SPATS2L: variants seen among roughly 807,000 people sequenced by gnomAD.
The protein encoded by SPATS2L is SPATS2-like protein.
SPATS2L carries 30 observed loss-of-function variants against 59.6 expected under a neutral mutation model. The ratio of observed to expected loss-of-function variants is 0.50; its 90% CI spans 0.38 to 0.68. The LOEUF is 0.68. Ranked by LOEUF, SPATS2L falls within the 30% of genes least tolerant of loss-of-function variation. SPATS2L has a pLI of 0.00. For synonymous variants in SPATS2L, 252 were observed against 263.5 expected (o/e 0.96, Z 0.42); for missense variants, 615 against 700.0 (o/e 0.88, Z 1.37).
chr2:200,308,501 A>G (rs62179507), intron 1 of SPATS2L, among the ~76,000 whole-genome samples: 2,010 of 152,300 alleles, frequency 0.013, 14 homozygotes, highest in Non-Finnish European at 0.019. Context: ...TTCTAATTAG[A>G]GTTTTGGAAT....
chr2:200,345,984 C>G (rs2080499077), intron 2 of SPATS2L, among the ~76,000 whole-genome samples: 1 of 152,174 alleles, frequency 6.6e-6, no homozygotes, highest in African/African-American at 2.4e-5. Flanking sequence ...CCCTGACAAC[C>G]TCTCAGCCTC....
intron 9 of SPATS2L, among the ~76,000 whole-genome samples, chr2:200,460,424 C>A (rs2086150875): frequency 6.6e-6 from 1 of 152,110 alleles, no homozygotes; most frequent in African/African-American, 2.4e-5. Context: ...GCAAAGTGTT[C>A]CTAAGCTTTT....
chr2:200,361,069 T>G (rs1371889953), intron 2 of SPATS2L, among the ~76,000 whole-genome samples: 2 of 98,648 alleles, frequency 2.0e-5, no homozygotes, highest in East Asian at 3.2e-4. Context: ...ACCCCACTAT[T>G]CCCCACCCCA....
At chr2:200,382,505 G>A (rs1687934791) in intron 2 of SPATS2L, among the ~76,000 whole-genome samples, 2 of 152,204 alleles carry the variant, frequency 1.3e-5, no homozygotes, top group Non-Finnish European at 2.9e-5. Flanking sequence ...GCCTGAGAAG[G>A]CAGGTCCCGT....
intron 2 of SPATS2L, among the ~76,000 whole-genome samples, chr2:200,339,401 T>G (rs898141523): frequency 1.3e-5 from 2 of 152,202 alleles, no homozygotes; most frequent in Non-Finnish European, 2.9e-5. Context: ...TTGAAAATAA[T>G]TATTCATCTA....
chr2:200,408,377 G>A (rs1574420540), intron 3 of SPATS2L, among the ~76,000 whole-genome samples: 1 of 152,136 alleles, frequency 6.6e-6, no homozygotes, highest in Non-Finnish European at 1.5e-5. Context: ...AAATGGTCAC[G>A]AATATACTCC....
intron 2 of SPATS2L, among the ~76,000 whole-genome samples, chr2:200,387,274 G>A (rs2082020824): frequency 6.6e-6 from 1 of 152,124 alleles, no homozygotes; most frequent in African/African-American, 2.4e-5. Flanking sequence ...TCTCCTATAT[G>A]CCAAGTCCAG....
At chr2:200,381,431 C>G (rs1476723379) in intron 2 of SPATS2L, among the ~76,000 whole-genome samples, 1 of 152,152 alleles carries the variant, frequency 6.6e-6, no homozygotes, top group African/African-American at 2.4e-5. Flanking sequence ...TGTGGCCTGT[C>G]AGGATGAATG....
chr2:200,357,275 C>T (rs979152069), intron 2 of SPATS2L, among the ~76,000 whole-genome samples: 3 of 152,118 alleles, frequency 2.0e-5, no homozygotes, highest in African/African-American at 4.8e-5. Context: ...CCTGAAAGTC[C>T]TTTCATTGTC....
rs374718905 is a variant in SPATS2L at position 200,315,856 on chromosome 2, C to CAAAAA, written c.-73+8950_-73+8954dup. 1.3e-4 allele frequency among the ~76,000 whole-genome samples: 12 copies of CAAAAA among 90,924 alleles called. 1 individual carries two copies. Among genetic ancestry groups the CAAAAA allele is most frequent in the Admixed American group, 3.7e-4 (3 of 8,060 alleles). 59.6% of individuals were successfully genotyped at this position (90,924 alleles called of 152,430 possible). A position where few individuals can be genotyped will look rare whatever the true frequency, so the allele number is the denominator to read the frequency against. ...GTGAAACCCCGTCTCACCAAAAATC[C>CAAAAA]AAAAAAAAAAAAAAAAAAAAGAGCC... On this transcript the variant is annotated intron_variant, in intron 1 of 12. Coordinates refer to ENST00000409140, the MANE Select transcript of SPATS2L (RefSeq NM_001100423.2).
intron 12 of SPATS2L, 97 bp from the exon 13 acceptor site, chr2:200,477,534 AAAAAG>A: frequency 2.8e-6 from 2 of 710,856 alleles, no homozygotes; most frequent in South Asian, 3.5e-5. Context: ...AAAAAAAAAA[AAAAAG>A]CTTACCTGTG....
intron 6 of SPATS2L, among the ~76,000 whole-genome samples, chr2:200,437,627 G>A (rs915252721): frequency 7.2e-5 from 11 of 152,178 alleles, no homozygotes; most frequent in African/African-American, 2.2e-4. Context: ...GCTGTTTTCA[G>A]TACTTATGTA....
intron 3 of SPATS2L, among the ~76,000 whole-genome samples, chr2:200,391,019 G>T (rs1235793266): frequency 6.6e-6 from 1 of 152,030 alleles, no homozygotes; most frequent in Non-Finnish European, 1.5e-5. Context: ...AATTATCTAG[G>T]TATGGTGCCA....
At chr2:200,344,011 A>T (rs2080421527) in intron 2 of SPATS2L, among the ~76,000 whole-genome samples, 1 of 152,042 alleles carries the variant, frequency 6.6e-6, no homozygotes, top group African/African-American at 2.4e-5. Context: ...CTGCTTTCAT[A>T]ATAAGCAGAA....
intron 8 of SPATS2L, among the ~76,000 whole-genome samples, chr2:200,457,538 A>G (rs2085933297): frequency 6.6e-6 from 1 of 152,172 alleles, no homozygotes; most frequent in South Asian, 2.1e-4. Flanking sequence ...TGACATACCT[A>G]TGTAATGTCA....
At chr2:200,325,588 A>C (rs2079710387) in intron 1 of SPATS2L, among the ~76,000 whole-genome samples, 1 of 152,170 alleles carries the variant, frequency 6.6e-6, no homozygotes, top group African/African-American at 2.4e-5. Flanking sequence ...CATGTTGGCC[A>C]GGCTGGTCTT....
intron 12 of SPATS2L, among the ~76,000 whole-genome samples, chr2:200,475,811 C>T (rs1409438740): frequency 1.3e-5 from 2 of 152,148 alleles, no homozygotes; most frequent in Non-Finnish European, 2.9e-5. Flanking sequence ...ATTTGTAACT[C>T]ATAAAATTTC....
chr2:200,416,461 T>A (rs2083063401), intron 5 of SPATS2L, 33 bp downstream of exon 5: 2 of 1,238,462 alleles, frequency 1.6e-6, no homozygotes, highest in Admixed American at 2.9e-5. Context: ...ATTGGTAACA[T>A]CTTCAATCAA....
chr2:200,409,577 G>A (rs529555042), intron 3 of SPATS2L, among the ~76,000 whole-genome samples: 1 of 152,200 alleles, frequency 6.6e-6, no homozygotes, highest in Non-Finnish European at 1.5e-5. Flanking sequence ...GCCAAGCCAA[G>A]TGATTAAAGC....
Sources: gnomAD v4.1 joint callset for allele counts (sites outside exome capture counted in the v4.1 genomes callset) on GRCh38, gnomAD v4.1.1 for gene constraint, MANE v1.5 for transcripts, NCBI Gene and HGNC (gene_info 2026-07-23, HGNC 2026-07-21) for gene names.